SNRPA1: variants seen among roughly 807,000 people sequenced by gnomAD.
SNRPA1 encodes the protein U2 small nuclear ribonucleoprotein A'.
A neutral mutation model predicts 32.3 loss-of-function variants in SNRPA1; 5 were observed. The ratio of observed to expected loss-of-function variants is 0.15; its 90% CI spans 0.08 to 0.33. The LOEUF (loss-of-function observed/expected upper bound fraction) is 0.33. Ranked by LOEUF, SNRPA1 falls within the 10% of genes least tolerant of loss-of-function variation. The probability of loss-of-function intolerance (pLI) is 1.00; values close to 1 mark genes in which losing one functional copy is unlikely to be tolerated. For synonymous variants in SNRPA1, 111 were observed against 120.1 expected (o/e 0.92, Z 0.50); for missense variants, 198 against 311.1 (o/e 0.64, Z 2.74).
intron 2 of SNRPA1, among the ~76,000 whole-genome samples, chr15:101,292,642 A>C (rs2039538886): frequency 6.6e-6 from 1 of 152,054 alleles, no homozygotes; most frequent in African/African-American, 2.4e-5. Flanking sequence ...TGTTACCTTT[A>C]TATATCCTTT....
At chr15:101,282,217 A>G (rs1427521223) in intron 8 of SNRPA1, among the ~76,000 whole-genome samples, 1 of 152,252 alleles carries the variant, frequency 6.6e-6, no homozygotes, top group Non-Finnish European at 1.5e-5. Context: ...CAACTACCAA[A>G]AAATGTTACA....
chr15:101,293,919 G>T (rs531175101), intron 1 of SNRPA1, among the ~76,000 whole-genome samples: 1 of 152,318 alleles, frequency 6.6e-6, no homozygotes, highest in African/African-American at 2.4e-5. Flanking sequence ...TCCATAAAGA[G>T]AAATGGCAGA....
chr15:101,287,427 A>G (rs1240374676), intron 4 of SNRPA1, among the ~76,000 whole-genome samples: 1 of 151,732 alleles, frequency 6.6e-6, no homozygotes, highest in Non-Finnish European at 1.5e-5. Context: ...GAGTGAGAAC[A>G]TGGGGTGTTT....
chr15:101,284,881 T>C (rs1164662443), intron 8 of SNRPA1, 86 bp downstream of exon 8: 72 of 975,526 alleles, frequency 7.4e-5, no homozygotes, highest in Non-Finnish European at 2.5e-5. Context: ...TACTCTGGCA[T>C]TCCAGAGTCA....
At chr15:101,292,654 A>C (rs2039538937) in intron 2 of SNRPA1, among the ~76,000 whole-genome samples, 1 of 152,068 alleles carries the variant, frequency 6.6e-6, no homozygotes, top group Non-Finnish European at 1.5e-5. Context: ...ATATCCTTTT[A>C]CTATGACCCC....
Position 101,293,129 on chromosome 15 carries a change from G to T in SNRPA1, c.126C>A (p.Asp42Glu). 1.2e-6 allele frequency: 2 copies of T among 1,610,592 alleles called. No homozygotes were observed. The highest frequency in any genetic ancestry group is 1.7e-6 in the Non-Finnish European group (2 of 1,177,694). ...CAGAAAAATCAATAGCATCAAACTG[G>T]TCTAACGTAGCACCTAGATTTTCAA... is the stretch of plus-strand genomic sequence containing the variant. Reference protein sequence around the residue: ...PVIENLGATLDQFDAIDFSDN... With the variant: ...PVIENLGATLEQFDAIDFSDN... Residue 42 changes from aspartate (D) to glutamate (E), a missense_variant, in exon 2 of 9, where the codon GAC becomes GAA. By Grantham distance (45) the Asp-to-Glu change is conservative (BLOSUM62 2). Coordinates refer to ENST00000254193, the MANE Select transcript of SNRPA1 (RefSeq NM_003090.4).
In SNRPA1 at chr15:101,293,480, T is replaced by C. The variant is rs74041976; in HGVS notation, c.83-308A>G. ...AACATTTACAAGGTGCCTCACACTG[T>C]CCTAAGTCGTTTGGGCTAGTTAAGC... On this transcript the variant is annotated intron_variant, in intron 1 of 8. Coordinates refer to ENST00000254193, the MANE Select transcript of SNRPA1 (RefSeq NM_003090.4). The C allele has an allele frequency of 8.4e-3, 1,516 of 179,808 alleles. 24 individuals are homozygous for C. The highest frequency in any genetic ancestry group is 0.033 in the African/African-American group (1,407 of 42,618). The allele number at this position is 179,808 out of a possible 1,614,324, so 11.1% of individuals were successfully genotyped here. A position where few individuals can be genotyped will look rare whatever the true frequency, so the allele number is the denominator to read the frequency against.
chr15:101,285,756 C>A lies in SNRPA1; in HGVS notation c.585G>T (p.Gly195=), dbSNP rs747432599. 5 of 1,613,740 alleles carry A rather than the reference C, an allele frequency of 3.1e-6. No homozygotes were observed. Among genetic ancestry groups the A allele is most frequent in the Non-Finnish European group, 4.2e-6 (5 of 1,179,784 alleles). The part of the protein sequence containing the change: ...AGLPTDKKKG[G]PSPGDVEAIK... ...TTGCTTCTACATCCCCTGGAGATGG[C>A]CCACCTTTCTTTTTGTCAGTTGGCA... The change falls in exon 7 of 9, where the codon GGG becomes GGT. Residue 195 remains glycine (G), a synonymous_variant. Coordinates refer to ENST00000254193, the MANE Select transcript of SNRPA1 (RefSeq NM_003090.4).
At chr15:101,290,557 C>T (rs906607808) in intron 3 of SNRPA1, among the ~76,000 whole-genome samples, 1 of 150,094 alleles carries the variant, frequency 6.7e-6, no homozygotes, top group African/African-American at 2.5e-5. Flanking sequence ...GGTTAAGTCA[C>T]AAAATTAAGT....
intron 8 of SNRPA1, among the ~76,000 whole-genome samples, chr15:101,282,111 C>A (rs1226117636): frequency 1.3e-5 from 2 of 152,216 alleles, no homozygotes; most frequent in African/African-American, 4.8e-5. Flanking sequence ...GGCAAAGAAA[C>A]CGGAAATACT....
At chr15:101,291,520 T>C (rs2039526011) in intron 3 of SNRPA1, among the ~76,000 whole-genome samples, 1 of 44,038 alleles carries the variant, frequency 2.3e-5, no homozygotes, top group Non-Finnish European at 3.8e-5. Flanking sequence ...GATAGTTTAC[T>C]TTTTTTTTTT....
intron 8 of SNRPA1, among the ~76,000 whole-genome samples, chr15:101,282,470 T>G (rs2039406954): frequency 6.6e-6 from 1 of 152,264 alleles, no homozygotes; most frequent in Non-Finnish European, 1.5e-5. Context: ...AGGAAGATTT[T>G]AACAGCCTGT....
At chr15:101,290,740 AT>A (rs766825971) in intron 3 of SNRPA1, among the ~76,000 whole-genome samples, 12,615 of 118,548 alleles carry the variant, frequency 0.11, 935 homozygotes, top group East Asian at 0.28. Flanking sequence ...CACTTTTGGC[AT>A]TTTTTTTTTT....
intron 8 of SNRPA1, among the ~76,000 whole-genome samples, chr15:101,282,028 A>G (rs1177223576): frequency 6.6e-6 from 1 of 152,222 alleles, no homozygotes; most frequent in Non-Finnish European, 1.5e-5. Context: ...GTTGCCTCCC[A>G]TTGTAGTTGA....
intron 4 of SNRPA1, 122 bp from the exon 5 acceptor site, chr15:101,287,132 T>C (rs192693511): frequency 8.6e-5 from 46 of 537,556 alleles, no homozygotes; most frequent in African/African-American, 7.7e-4. Flanking sequence ...CATTGCAACA[T>C]TGTAACAATT....
intron 3 of SNRPA1, chr15:101,289,769 A>G (rs2039499478): frequency 2.3e-5 from 1 of 44,328 alleles, no homozygotes; most frequent in Non-Finnish European, 3.6e-5. Flanking sequence ...GTCTCTACTA[A>G]AAAAAAAAAA....
At chr15:101,281,867 G>GT in intron 8 of SNRPA1, 85 bp from the exon 9 acceptor site, 1 of 1,282,112 alleles carries the variant, frequency 7.8e-7, no homozygotes, top group Non-Finnish European at 1.1e-6. Context: ...TGTGGCCACT[G>GT]TTTGTTACAC....
chr15:101,290,249 C>T (rs1366850907), intron 3 of SNRPA1, among the ~76,000 whole-genome samples: 1 of 152,198 alleles, frequency 6.6e-6, no homozygotes, highest in African/African-American at 2.4e-5. Context: ...CACTACCATG[C>T]TGTGAGATTC....
chr15:101,286,676 A>ACG lies in SNRPA1; in HGVS notation c.459+231_459+232insCG, dbSNP rs2039458698. On this transcript the variant is annotated intron_variant, in intron 5 of 8. Transcript: ENST00000254193. ...TGTTAAGACTGCTCACCGTGGCCTC[A>ACG]GCACTTTGCGAACTTCGGAATAGCC... 3 of 496,616 alleles carry ACG rather than the reference A, an allele frequency of 6.0e-6. No homozygotes were observed. In the East Asian group the frequency reaches 1.1e-4, roughly 17 times the overall value. 30.8% of individuals were successfully genotyped at this position (496,616 alleles called of 1,614,324 possible).
Sources: allele counts gnomAD v4.1 joint callset (sites outside exome capture counted in the v4.1 genomes callset), GRCh38; gene constraint gnomAD v4.1.1; transcripts MANE v1.5; gene names NCBI Gene and HGNC (gene_info 2026-07-23, HGNC 2026-07-21).